Variants in ARK2N observed in about 807,000 individuals in gnomAD.
The protein encoded by ARK2N is protein ARK2N.
the ARK2N span, among the ~76,000 whole-genome samples, chr18:46,262,191 T>G: frequency 2.0e-5 from 3 of 152,236 alleles, no homozygotes; most frequent in Non-Finnish European, 4.4e-5. Flanking sequence ...GACTGGACTG[T>G]GGAATTCAAA....
At chr18:46,177,238 G>A in the ARK2N span, among the ~76,000 whole-genome samples, 1 of 151,952 alleles carries the variant, frequency 6.6e-6, no homozygotes, top group African/African-American at 2.4e-5. Flanking sequence ...ATATAGAAGG[G>A]GGATAGAAAA....
the ARK2N span, among the ~76,000 whole-genome samples, chr18:46,240,446 A>G: frequency 3.9e-5 from 6 of 152,358 alleles, no homozygotes; most frequent in East Asian, 1.2e-3. Context: ...TTCAGTAGGC[A>G]TATTTCTTGG....
chr18:46,186,897 C>G, the ARK2N span, among the ~76,000 whole-genome samples: 1 of 151,176 alleles, frequency 6.6e-6, no homozygotes, highest in East Asian at 2.0e-4. Flanking sequence ...TCTTGTTGCC[C>G]AGGCTGGAGT....
the ARK2N span, among the ~76,000 whole-genome samples, chr18:46,205,058 C>T: frequency 5.9e-5 from 9 of 152,040 alleles, no homozygotes; most frequent in South Asian, 2.1e-4. Flanking sequence ...CAGGAACCCA[C>T]GACCACGCCT....
the ARK2N span, among the ~76,000 whole-genome samples, chr18:46,242,644 A>G: frequency 6.6e-6 from 1 of 152,112 alleles, no homozygotes; most frequent in Non-Finnish European, 1.5e-5. Flanking sequence ...GTATTTCTTT[A>G]TATATTTGTA....
chr18:46,258,481 C>T, the ARK2N span, among the ~76,000 whole-genome samples: 1 of 152,124 alleles, frequency 6.6e-6, no homozygotes, highest in Admixed American at 6.5e-5. Flanking sequence ...TTCCACTGTG[C>T]AGCCTTTCTA....
chr18:46,210,343 A>G, the ARK2N span, among the ~76,000 whole-genome samples: 1 of 152,228 alleles, frequency 6.6e-6, no homozygotes, highest in East Asian at 1.9e-4. Flanking sequence ...AGAAGAAGGC[A>G]TTGTCAAAGA....
At chr18:46,199,172 G>A in the ARK2N span, among the ~76,000 whole-genome samples, 1 of 151,992 alleles carries the variant, frequency 6.6e-6, no homozygotes, top group African/African-American at 2.4e-5. Flanking sequence ...AGACCTTCTT[G>A]CTTGTTTTGC....
chr18:46,229,965 C>T, the ARK2N span, among the ~76,000 whole-genome samples: 20 of 151,072 alleles, frequency 1.3e-4, no homozygotes, highest in Non-Finnish European at 1.9e-4. Context: ...CTCGCTTTGT[C>T]GCCCAGGCTA....
the ARK2N span, among the ~76,000 whole-genome samples, chr18:46,250,987 C>T: frequency 6.6e-6 from 1 of 152,264 alleles, no homozygotes; most frequent in East Asian, 1.9e-4. Context: ...CAATAGACTG[C>T]TTTTTATTAT....
At chr18:46,178,139 G>A in the ARK2N span, among the ~76,000 whole-genome samples, 1 of 152,226 alleles carries the variant, frequency 6.6e-6, no homozygotes, top group African/African-American at 2.4e-5. Flanking sequence ...CACTTGAATG[G>A]TTAAGTGGGG....
the ARK2N span, among the ~76,000 whole-genome samples, chr18:46,221,941 AATAC>A: frequency 6.6e-6 from 1 of 152,260 alleles, no homozygotes; most frequent in African/African-American, 2.4e-5. Flanking sequence ...AGACTCACAA[AATAC>A]ATTGATAACA....
At chr18:46,222,700 G>GT in the ARK2N span, among the ~76,000 whole-genome samples, 2 of 152,080 alleles carry the variant, frequency 1.3e-5, no homozygotes, top group Admixed American at 6.6e-5. Context: ...TTTTGTCATT[G>GT]TTTTTTAATA....
chr18:46,179,151 C>T, the ARK2N span, among the ~76,000 whole-genome samples: 1 of 151,974 alleles, frequency 6.6e-6, no homozygotes, highest in African/African-American at 2.4e-5. Flanking sequence ...ACCCTGTTGG[C>T]CAGGCTGGTC....
At chr18:46,174,861 G>A in the ARK2N span, among the ~76,000 whole-genome samples, 2 of 152,360 alleles carry the variant, frequency 1.3e-5, no homozygotes, top group Admixed American at 6.5e-5. Flanking sequence ...CGGCGCCGCG[G>A]CCGCAGTGGC....
chr18:46,235,192 G>T, the ARK2N span, among the ~76,000 whole-genome samples: 1 of 152,252 alleles, frequency 6.6e-6, no homozygotes, highest in East Asian at 1.9e-4. Flanking sequence ...TTTCCATTTG[G>T]CTTTGAAACA....
the ARK2N span, among the ~76,000 whole-genome samples, chr18:46,249,763 A>G: frequency 6.6e-6 from 1 of 152,118 alleles, no homozygotes; most frequent in East Asian, 1.9e-4. Context: ...ACTCAGTACC[A>G]TCCTATCTCC....
At chr18:46,255,272 C>G in the ARK2N span, among the ~76,000 whole-genome samples, 15 of 152,236 alleles carry the variant, frequency 9.9e-5, no homozygotes, top group Admixed American at 8.5e-4. Context: ...AACATGCCGT[C>G]TCCCCAAAAG....
chr18:46,253,229 G>A, the ARK2N span, among the ~76,000 whole-genome samples: 1 of 152,020 alleles, frequency 6.6e-6, no homozygotes, highest in Admixed American at 6.6e-5. Context: ...ATGTGCCTTT[G>A]GGCTTTTCTG....
Sources: gnomAD v4.1 joint callset for allele counts (sites outside exome capture counted in the v4.1 genomes callset) on GRCh38, gnomAD v4.1.1 for gene constraint, MANE v1.5 for transcripts, NCBI Gene and HGNC (gene_info 2026-07-23, HGNC 2026-07-21) for gene names.